Variants in TUBG2 observed in about 807,000 individuals in gnomAD.
The protein encoded by TUBG2 is tubulin gamma-2 chain.
TUBG2 carries 39 observed loss-of-function variants against 55.1 expected under a neutral mutation model. The observed-to-expected ratio is 0.71, with a 90% CI of 0.55 to 0.93. TUBG2 has a LOEUF of 0.93. TUBG2 is among the 40% of genes least tolerant of loss of function. TUBG2 has a pLI of 0.00. For missense variants in TUBG2, 358 were observed against 599.1 expected, an observed-to-expected ratio of 0.60 and a Z score of 4.20; for synonymous variants, 223 against 241.0, an observed-to-expected ratio of 0.93 and a Z score of 0.69.
At chr17:42,660,959 A>C (rs1387430499) in intron 4 of TUBG2, 3 of 435,058 alleles carry the variant, frequency 6.9e-6, no homozygotes, top group South Asian at 5.6e-5. Context: ...CTTCCCAAGG[A>C]GCCTCAGCCT....
intron 1 of TUBG2, 137 bp downstream of exon 1, chr17:42,659,689 G>A: frequency 1.5e-6 from 2 of 1,361,590 alleles, no homozygotes. Context: ...CAGACCGAGA[G>A]CTGCGCCTCC....
intron 6 of TUBG2, among the ~76,000 whole-genome samples, chr17:42,664,439 A>G: frequency 6.6e-6 from 1 of 152,104 alleles, no homozygotes; most frequent in East Asian, 1.9e-4. Context: ...TAAGTTTCTT[A>G]GAATCCTTTT....
At chr17:42,665,353 CTT>C (rs11309373) in intron 6 of TUBG2, 121 bp from the exon 7 acceptor site, 12,198 of 1,205,318 alleles carry the variant, frequency 0.01, no homozygotes, top group South Asian at 0.013. Context: ...GGCCTCAGTA[CTT>C]TTTTTTTTTA....
chr17:42,663,070 G>A lies in TUBG2; in HGVS notation c.479+18G>A. The A allele has an allele frequency of 6.2e-7, 1 of 1,612,582 alleles. No individual in the cohort carries two copies. Among genetic ancestry groups the A allele is most frequent in the Non-Finnish European group, 8.5e-7 (1 of 1,178,958 alleles). ...AATGACAGGCAAGCCTGTGTTTGGG[G>A]AGAGGGCATTAACCCTGGTTCCCTG... On this transcript the variant is annotated intron_variant, in intron 5 of 10. Coordinates refer to ENST00000251412, the MANE Select transcript of TUBG2 (RefSeq NM_016437.3).
At chr17:42,663,300 T>A in intron 5 of TUBG2, 77 bp from the exon 6 acceptor site, 1 of 1,592,426 alleles carries the variant, frequency 6.3e-7, no homozygotes, top group Non-Finnish European at 8.6e-7. Flanking sequence ...CTCACCCCTT[T>A]TGTACAAAAT....
intron 6 of TUBG2, among the ~76,000 whole-genome samples, chr17:42,664,900 T>C (rs912722147): frequency 1.3e-5 from 2 of 148,198 alleles, no homozygotes; most frequent in Admixed American, 6.7e-5. Flanking sequence ...TTTATTTATA[T>C]TTTTTACAGA....
In TUBG2 at chr17:42,660,283, A is replaced by G; in HGVS notation, c.297A>G (p.Gly99=). The change falls in exon 3 of 11, where the codon GGA becomes GGG. Residue 99 remains glycine (G), a synonymous_variant. Coordinates refer to ENST00000251412, the MANE Select transcript of TUBG2 (RefSeq NM_016437.3). The part of the protein sequence containing the change: ...ENIYLSEHGG[G]AGNNWASGFS... ...TCTACCTGTCGGAACATGGAGGAGG[A>G]GCTGGCAACAACTGGGCCAGCGGAT... The G allele has an allele frequency of 1.9e-6, 3 of 1,614,052 alleles. No homozygotes were observed. Among genetic ancestry groups the G allele is most frequent in the Non-Finnish European group, 2.5e-6 (3 of 1,179,978 alleles).
chr17:42,666,501 A>G lies in TUBG2; in HGVS notation c.1158+17A>G, dbSNP rs763050422. 48 of 1,613,820 alleles carry G rather than the reference A, an allele frequency of 3.0e-5. No homozygotes were observed. The highest frequency in any genetic ancestry group is 6.7e-5 in the Admixed American group (4 of 59,988). On this transcript the variant is annotated intron_variant, in intron 10 of 10. Coordinates refer to ENST00000251412, the MANE Select transcript of TUBG2 (RefSeq NM_016437.3). Reference sequence around the variant, plus strand: ...ATCTCCTCGGTGAGTCTAGGTTTCTATTCTTCTTAGAAGAGTCTGTTCCAC... The same window carrying G: ...ATCTCCTCGGTGAGTCTAGGTTTCTGTTCTTCTTAGAAGAGTCTGTTCCAC...
intron 5 of TUBG2, 148 bp downstream of exon 5, chr17:42,663,200 G>A (rs1597773796): frequency 4.7e-6 from 6 of 1,272,354 alleles, no homozygotes; most frequent in Non-Finnish European, 6.6e-6. Context: ...CTATTTTGGG[G>A]GGTGGGGGTT....
At position 42,663,455 on chromosome 17, in the gene TUBG2, C is replaced by G. The variant is rs2052438231; in HGVS notation, c.558C>G (p.Tyr186Ter). ...DEMSDVVVQP[Y>*]NSLLTLKRLT... ...TGAGCGACGTAGTGGTTCAGCCCTA[C>G]AATTCACTCCTGACACTCAAGAGGC... The change falls in exon 6 of 11, where the codon TAC becomes TAG. Residue 186 changes from tyrosine to a stop codon, truncating the protein, a stop_gained. Transcript: ENST00000251412. LOFTEE classifies it high-confidence loss of function. 3 of 1,614,010 alleles carry G rather than the reference C, an allele frequency of 1.9e-6. No individual in the cohort carries two copies. Among genetic ancestry groups the G allele is most frequent in the Non-Finnish European group, 2.5e-6 (3 of 1,180,012 alleles).
chr17:42,660,444 A>G, intron 3 of TUBG2, 128 bp downstream of exon 3: 5 of 1,494,690 alleles, frequency 3.3e-6, no homozygotes, highest in Non-Finnish European at 4.6e-6. Context: ...CAAGAGGGAC[A>G]GCCAGGGAGA....
At position 42,665,206 on chromosome 17, in the gene TUBG2, C is replaced by T. The variant is rs770246315; in HGVS notation, c.607-270C>T. Among the ~76,000 whole-genome samples the T allele has an allele frequency of 6.6e-5, 10 of 152,156 alleles. 1 individual carries two copies. The highest frequency in any genetic ancestry group is 6.8e-3 in the Middle Eastern group (2 of 294). On this transcript the variant is annotated intron_variant, in intron 6 of 10. Coordinates refer to ENST00000251412, the MANE Select transcript of TUBG2 (RefSeq NM_016437.3). ...GGGACTACAGGCGCCCGCCAACATG[C>T]CTGGCTAATTTTTTGTATTTTTAGT...
intron 3 of TUBG2, 54 bp from the exon 4 acceptor site, chr17:42,660,585 A>T: frequency 1.3e-6 from 2 of 1,534,690 alleles, no homozygotes; most frequent in African/African-American, 2.7e-5. Flanking sequence ...GTGCTGAGAA[A>T]AGATGCTCTC....
At position 42,659,316 on chromosome 17, in the gene TUBG2, TGCCCAGGTTGGGCTCCCCG is replaced by T; in HGVS notation, c.-182_-164del. ...CTGCGACTGCTGAGGGAGAAAATGA[TGCCCAGGTTGGGCTCCCCG>T]GCCCACCGGCCGAGGAGAGGCCTGC... On this transcript the variant is annotated 5_prime_UTR_variant, in exon 1 of 11. The change abolishes the stop of an existing upstream ORF in the 5' untranslated region. Coordinates refer to ENST00000251412, the MANE Select transcript of TUBG2 (RefSeq NM_016437.3). The T allele has an allele frequency of 1.8e-6, 1 of 549,612 alleles. No homozygotes were observed. Among genetic ancestry groups the T allele is most frequent in the Non-Finnish European group, 3.1e-6 (1 of 319,692 alleles). The allele number at this position is 549,612 out of a possible 1,614,324, so 34.0% of individuals were successfully genotyped here. A position where few individuals can be genotyped will look rare whatever the true frequency, so the allele number is the denominator to read the frequency against.
Position 42,665,240 on chromosome 17 carries a change from G to C in TUBG2, c.607-236G>C, listed in dbSNP as rs1479770575. On this transcript the variant is annotated intron_variant, in intron 6 of 10. Coordinates refer to ENST00000251412, the MANE Select transcript of TUBG2 (RefSeq NM_016437.3). ...TTTTTTGTATTTTTAGTAGAGACGG[G>C]GTTTCACCGTGTTAGCCAAGATGGT... Among the ~76,000 whole-genome samples the C allele has an allele frequency of 6.6e-4, 100 of 151,888 alleles. 3 individuals carry two copies. The highest frequency in any genetic ancestry group is 6.6e-3 in the Admixed American group (100 of 15,234).
Position 42,665,482 on chromosome 17 carries a change from C to T in TUBG2, c.613C>T (p.Leu205=), listed in dbSNP as rs750173708. ...TGCTCTTCTGTCCCCCCAGGTGGTGCTGGACAACACAGCCCTGAACCGGAT... is the reference window on the plus strand; with the variant it reads ...TGCTCTTCTGTCCCCCCAGGTGGTGTTGGACAACACAGCCCTGAACCGGAT... ...LTQNADCVVV[L]DNTALNRIAT... is the part of the protein sequence containing the mutation. The change falls in exon 7 of 11, where the codon CTG becomes TTG. Residue 205 remains leucine (L), a synonymous_variant. Coordinates refer to ENST00000251412, the MANE Select transcript of TUBG2 (RefSeq NM_016437.3). 4.3e-6 allele frequency: 7 copies of T among 1,614,156 alleles called. No homozygotes were observed. Among genetic ancestry groups the T allele is most frequent in the East Asian group, 2.2e-5 (1 of 44,890 alleles).
chr17:42,664,747 C>T (rs2052475795), intron 6 of TUBG2, among the ~76,000 whole-genome samples: 1 of 151,766 alleles, frequency 6.6e-6, no homozygotes, highest in Non-Finnish European at 1.5e-5. Flanking sequence ...CAGTGTATGG[C>T]ACATGTGGGT....
At chr17:42,661,644 C>T (rs918391520) in intron 4 of TUBG2, among the ~76,000 whole-genome samples, 3 of 152,258 alleles carry the variant, frequency 2.0e-5, no homozygotes, top group Non-Finnish European at 4.4e-5. Flanking sequence ...GCAAACCCAA[C>T]GCCACAGGGC....
intron 3 of TUBG2, 97 bp downstream of exon 3, chr17:42,660,413 G>C: frequency 6.4e-7 from 1 of 1,568,494 alleles, no homozygotes; most frequent in South Asian, 1.2e-5. Flanking sequence ...CAGAAAATAA[G>C]AGACAAAAGG....
Sources: allele counts gnomAD v4.1 joint callset (sites outside exome capture counted in the v4.1 genomes callset), GRCh38; gene constraint gnomAD v4.1.1; transcripts MANE v1.5; gene names NCBI Gene and HGNC (gene_info 2026-07-23, HGNC 2026-07-21).